The following SMOC2 variants were observed in gnomAD, a reference collection of about 807,000 sequenced individuals.
SMOC2 encodes the protein SPARC-related modular calcium-binding protein 2.
Under a neutral mutation model 61.4 loss-of-function variants are expected in SMOC2, and 39 were observed. That is an observed-to-expected ratio of 0.64 (90% confidence interval 0.49 to 0.83). The LOEUF is 0.83. SMOC2 is among the 40% of genes least tolerant of loss of function. SMOC2 has a pLI of 0.00. For missense variants in SMOC2, 556 were observed against 592.9 expected (o/e 0.94, Z 0.65); for synonymous variants, 247 against 239.9 (o/e 1.03, Z -0.27).
chr6:168,625,903 A>T (rs941468996), intron 9 of SMOC2, among the ~76,000 whole-genome samples: 1 of 152,248 alleles, frequency 6.6e-6, no homozygotes, highest in South Asian at 2.1e-4. Flanking sequence ...CGGAGGAGGA[A>T]GCGAATTCCG....
chr6:168,562,679 G>A (rs940404557), intron 7 of SMOC2, among the ~76,000 whole-genome samples: 6 of 152,166 alleles, frequency 3.9e-5, no homozygotes, highest in Admixed American at 6.5e-5. Context: ...TTACGCATCC[G>A]GGGTTATCAG....
At chr6:168,605,560 G>C (rs1301208381) in intron 8 of SMOC2, among the ~76,000 whole-genome samples, 1 of 152,082 alleles carries the variant, frequency 6.6e-6, no homozygotes, top group Non-Finnish European at 1.5e-5. Context: ...GCAGAATACT[G>C]TCATGTAAAT....
rs1431095104 is a variant in SMOC2, at chr6:168,527,738, C to T, written c.463+11C>T. 26 of 1,532,938 alleles carry T rather than the reference C, an allele frequency of 1.7e-5. No homozygotes were observed. The highest frequency in any genetic ancestry group is 8.2e-5 in the African/African-American group (6 of 72,738). The allele number at this position is 1,532,938 out of a possible 1,614,324, so 95.0% of individuals were successfully genotyped here. ...CGCCCCGGTGCCCGGGTAGGTCTGA[C>T]GTGCCTTTCCAAGTGGAAGGCTTGA... On this transcript the variant is annotated intron_variant, in intron 4 of 12. Coordinates refer to ENST00000356284, the MANE Select transcript of SMOC2 (RefSeq NM_001166412.2).
At chr6:168,578,444 CTCTG>C (rs1205743348) in intron 7 of SMOC2, among the ~76,000 whole-genome samples, 1 of 152,198 alleles carries the variant, frequency 6.6e-6, no homozygotes, top group African/African-American at 2.4e-5. Flanking sequence ...GGCAGACAGT[CTCTG>C]TCCTTTCTGC....
chr6:168,548,299 T>C (rs1784050853), intron 6 of SMOC2, among the ~76,000 whole-genome samples: 1 of 151,758 alleles, frequency 6.6e-6, no homozygotes, highest in African/African-American at 2.4e-5. Flanking sequence ...AACCCAGATG[T>C]CTTCTTCAGG....
At chr6:168,463,083 G>A (rs187737002) in intron 1 of SMOC2, among the ~76,000 whole-genome samples, 4 of 152,234 alleles carry the variant, frequency 2.6e-5, no homozygotes, top group Non-Finnish European at 4.4e-5. Flanking sequence ...CCTGGCTTTC[G>A]TGGAGCACTT....
chr6:168,653,345 A>G (rs958282047), intron 11 of SMOC2, 117 bp downstream of exon 11: 9 of 1,233,952 alleles, frequency 7.3e-6, no homozygotes, highest in Non-Finnish European at 9.0e-6. Flanking sequence ...CAAAAAATCA[A>G]ATATGCTGTT....
intron 11 of SMOC2, among the ~76,000 whole-genome samples, chr6:168,659,778 A>AGGATGGAGG (rs1787451551): frequency 2.4e-4 from 3 of 12,344 alleles, no homozygotes; most frequent in Non-Finnish European, 3.3e-4. Context: ...GAGGTTGTAG[A>AGGATGGAGG]TTATAGGCTG....
intron 9 of SMOC2, among the ~76,000 whole-genome samples, chr6:168,612,854 G>A (rs763748431): frequency 5.3e-5 from 8 of 152,186 alleles, no homozygotes; most frequent in South Asian, 2.1e-4. Context: ...CCCAGTCGCC[G>A]GCAGGTTCAG....
chr6:168,467,977 A>G (rs1426073504), intron 1 of SMOC2, among the ~76,000 whole-genome samples: 1 of 152,246 alleles, frequency 6.6e-6, no homozygotes, highest in Non-Finnish European at 1.5e-5. Flanking sequence ...GCAAAAAGTT[A>G]TCTGCAAATC....
chr6:168,569,926 C>T (rs958042541), intron 7 of SMOC2, among the ~76,000 whole-genome samples: 2 of 152,184 alleles, frequency 1.3e-5, no homozygotes, highest in Non-Finnish European at 2.9e-5. Context: ...GAGTCATCAC[C>T]GAATCCAAGG....
At chr6:168,451,828 T>C (rs1781475608) in intron 1 of SMOC2, among the ~76,000 whole-genome samples, 1 of 152,216 alleles carries the variant, frequency 6.6e-6, no homozygotes, top group Non-Finnish European at 1.5e-5. Flanking sequence ...AGATCTTTCT[T>C]TTCATTTAGA....
chr6:168,531,375 G>A (rs1783597853), intron 4 of SMOC2, among the ~76,000 whole-genome samples: 1 of 152,186 alleles, frequency 6.6e-6, no homozygotes, highest in Admixed American at 6.5e-5. Context: ...ATGTTAAAAC[G>A]TGCAACGCCA....
chr6:168,649,683 G>C (rs149452991), intron 9 of SMOC2, among the ~76,000 whole-genome samples: 2 of 152,170 alleles, frequency 1.3e-5, no homozygotes, highest in East Asian at 1.9e-4. Context: ...TCTTAAACCC[G>C]CCGATCTCAT....
chr6:168,567,914 T>A (rs1302151137), intron 7 of SMOC2, among the ~76,000 whole-genome samples: 2 of 151,470 alleles, frequency 1.3e-5, no homozygotes, highest in Non-Finnish European at 2.9e-5. Context: ...AAAGACCGGA[T>A]GGTGTGAGTC....
intron 7 of SMOC2, among the ~76,000 whole-genome samples, chr6:168,578,044 A>G (rs950721548): frequency 6.6e-6 from 1 of 152,204 alleles, no homozygotes; most frequent in African/African-American, 2.4e-5. Context: ...ACTCTCCTAC[A>G]TCTGTGTCCG....
intron 8 of SMOC2, among the ~76,000 whole-genome samples, chr6:168,603,990 G>A (rs1410707690): frequency 6.6e-6 from 1 of 152,234 alleles, no homozygotes; most frequent in Non-Finnish European, 1.5e-5. Flanking sequence ...TAAATGACCA[G>A]AGATGGCATG....
chr6:168,512,157 G>T (rs1274578299), intron 2 of SMOC2, among the ~76,000 whole-genome samples: 1 of 152,196 alleles, frequency 6.6e-6, no homozygotes, highest in Non-Finnish European at 1.5e-5. Flanking sequence ...GGGCCCGAGA[G>T]GGAAGTAGGT....
intron 9 of SMOC2, among the ~76,000 whole-genome samples, chr6:168,645,511 G>A (rs1383471347): frequency 6.6e-6 from 1 of 152,134 alleles, no homozygotes; most frequent in African/African-American, 2.4e-5. Context: ...TCTCCCCTCA[G>A]GGCACCACAC....
Sources: gnomAD v4.1 joint callset for allele counts (sites outside exome capture counted in the v4.1 genomes callset) on GRCh38, gnomAD v4.1.1 for gene constraint, MANE v1.5 for transcripts, NCBI Gene and HGNC (gene_info 2026-07-23, HGNC 2026-07-21) for gene names.